The following MAP2K5 variants were observed in gnomAD, a reference collection of about 807,000 sequenced individuals.
MAP2K5 encodes the protein dual specificity mitogen-activated protein kinase kinase 5.
Under a neutral mutation model 83.1 loss-of-function variants are expected in MAP2K5, and 49 were observed. That is an observed-to-expected ratio of 0.59 (90% confidence interval 0.47 to 0.75). MAP2K5 has a LOEUF of 0.75. MAP2K5 is among the 30% of genes least tolerant of loss of function. The pLI, the probability that MAP2K5 is intolerant of heterozygous loss-of-function variation, is 0.00. For synonymous variants in MAP2K5, 202 were observed against 191.8 expected (o/e 1.05, Z -0.44); for missense variants, 457 against 557.5 (o/e 0.82, Z 1.82).
intron 13 of MAP2K5, among the ~76,000 whole-genome samples, chr15:67,691,658 G>T (rs530224974): frequency 6.6e-6 from 1 of 152,282 alleles, no homozygotes; most frequent in Admixed American, 6.5e-5. Context: ...ATCAAAAGTG[G>T]TATGCTCTTG....
At chr15:67,766,161 A>G (rs987737455) in intron 19 of MAP2K5, among the ~76,000 whole-genome samples, 2 of 152,224 alleles carry the variant, frequency 1.3e-5, no homozygotes, top group East Asian at 3.9e-4. Context: ...CTGTTTTTAC[A>G]TAACAGTTGC....
At chr15:67,596,913 T>G (rs1279365367) in intron 7 of MAP2K5, among the ~76,000 whole-genome samples, 2 of 152,216 alleles carry the variant, frequency 1.3e-5, no homozygotes, top group African/African-American at 4.8e-5. Flanking sequence ...GGCTCACGCC[T>G]GTAATCCCAG....
rs1296351279 is a variant in MAP2K5 at position 67,587,418 on chromosome 15, CTG to C, written c.431+509_431+510del. 6.6e-6 allele frequency among the ~76,000 whole-genome samples: 1 copy of C among 152,160 alleles called. No homozygotes were observed. The highest frequency in any genetic ancestry group is 6.5e-5 in the Admixed American group (1 of 15,278). ...TAGTAGGAGAGGGACATGGCCAGCC[CTG>C]TGTTTTTAAAAGATCCTCTGCCTGT... On this transcript the variant is annotated intron_variant, in intron 6 of 21. Coordinates refer to ENST00000178640, the MANE Select transcript of MAP2K5 (RefSeq NM_145160.3). This position sits in a 1 kb window ranked among gnomAD's most constrained non-coding sequence, Gnocchi z 4.8.
At chr15:67,569,450 T>C (rs1300418559) in intron 3 of MAP2K5, among the ~76,000 whole-genome samples, 1 of 152,252 alleles carries the variant, frequency 6.6e-6, no homozygotes, top group Non-Finnish European at 1.5e-5. Context: ...AATAATGACA[T>C]GCTGCAAGCT....
At position 67,562,395 on chromosome 15, in the gene MAP2K5, C is replaced by T. The variant is rs1260041528; in HGVS notation, c.185-888C>T. Among the ~76,000 whole-genome samples the T allele has an allele frequency of 6.6e-6, 1 of 152,170 alleles. No homozygotes were observed. Among genetic ancestry groups the T allele is most frequent in the South Asian group, 2.1e-4 (1 of 4,832 alleles). ...TTAATATTCTCACATAGTCTATCTTCAGGTTTTTAAAGCAGTTTTGAAGAG... is the reference window on the plus strand; with the variant it reads ...TTAATATTCTCACATAGTCTATCTTTAGGTTTTTAAAGCAGTTTTGAAGAG... On this transcript the variant is annotated intron_variant, in intron 2 of 21. Coordinates refer to ENST00000178640, the MANE Select transcript of MAP2K5 (RefSeq NM_145160.3). The surrounding 1 kb of genome is among the most constrained non-coding windows in gnomAD (Gnocchi z 4.1).
chr15:67,757,046 T>A lies in MAP2K5; in HGVS notation c.1134+8445T>A, dbSNP rs1372457772. 6.6e-6 allele frequency among the ~76,000 whole-genome samples: 1 copy of A among 152,204 alleles called. No homozygotes were observed. The highest frequency in any genetic ancestry group is 2.4e-5 in the African/African-American group (1 of 41,442). ...CTTCAGGATAGTGATTTATTTCCTT[T>A]AGATATACACCGAGAAGTTGGATTA... On this transcript the variant is annotated intron_variant, in intron 19 of 21. Coordinates refer to ENST00000178640, the MANE Select transcript of MAP2K5 (RefSeq NM_145160.3). The surrounding 1 kb of genome is among the most constrained non-coding windows in gnomAD (Gnocchi z 4.9).
Position 67,587,065 on chromosome 15 carries a change from T to G in MAP2K5, c.431+152T>G, listed in dbSNP as rs2085306363. The G allele has an allele frequency of 1.3e-5, 10 of 761,008 alleles. No individual in the cohort carries two copies. In the South Asian group the frequency reaches 1.4e-4, roughly 11 times the overall value. 47.1% of individuals were successfully genotyped at this position (761,008 alleles called of 1,614,324 possible). A position where few individuals can be genotyped will look rare whatever the true frequency, so the allele number is the denominator to read the frequency against. Reference sequence around the variant, plus strand: ...GGACCTCATATGGAAAGATGAATGTTTAGATTTAGACTGGGTGCTGAGAAG... The same window carrying G: ...GGACCTCATATGGAAAGATGAATGTGTAGATTTAGACTGGGTGCTGAGAAG... On this transcript the variant is annotated intron_variant, in intron 6 of 21. Coordinates refer to ENST00000178640, the MANE Select transcript of MAP2K5 (RefSeq NM_145160.3). The surrounding 1 kb of genome is among the most constrained non-coding windows in gnomAD (Gnocchi z 4.8).
intron 8 of MAP2K5, among the ~76,000 whole-genome samples, chr15:67,625,055 T>A (rs1003699232): frequency 6.6e-6 from 1 of 152,224 alleles, no homozygotes; most frequent in Admixed American, 6.5e-5. Flanking sequence ...GTGCTTCTGC[T>A]GTGAAAGAAG....
intron 8 of MAP2K5, among the ~76,000 whole-genome samples, chr15:67,616,716 A>ACTC (rs777946607): frequency 2.0e-5 from 3 of 152,166 alleles, no homozygotes; most frequent in Non-Finnish European, 4.4e-5. Context: ...TAGGGAGCAA[A>ACTC]ATAACCATCA....
chr15:67,634,400 A>AT (rs2086551328), intron 9 of MAP2K5, among the ~76,000 whole-genome samples: 1 of 132,712 alleles, frequency 7.5e-6, no homozygotes, highest in Non-Finnish European at 1.6e-5. Context: ...AAAAAAAAAA[A>AT]AAAAAAAAAG....
intron 6 of MAP2K5, among the ~76,000 whole-genome samples, chr15:67,590,076 A>G (rs1317251146): frequency 1.3e-5 from 2 of 152,068 alleles, no homozygotes; most frequent in African/African-American, 4.8e-5. Context: ...TATTCTACAA[A>G]ATTGTTAATT....
At chr15:67,569,868 C>T (rs2084916221) in intron 3 of MAP2K5, among the ~76,000 whole-genome samples, 1 of 152,220 alleles carries the variant, frequency 6.6e-6, no homozygotes, top group African/African-American at 2.4e-5. Flanking sequence ...CTATTTATAA[C>T]AAAATGTCTC....
At chr15:67,585,120 T>A (rs1433318774) in intron 4 of MAP2K5, among the ~76,000 whole-genome samples, 7 of 138,382 alleles carry the variant, frequency 5.1e-5, no homozygotes, top group Non-Finnish European at 8.0e-5. Flanking sequence ...CCCCAAACAA[T>A]CAATCAAAAT....
chr15:67,650,846 A>G (rs1291582490), intron 11 of MAP2K5, among the ~76,000 whole-genome samples: 1 of 152,188 alleles, frequency 6.6e-6, no homozygotes, highest in Admixed American at 6.5e-5. Flanking sequence ...GCCTTATAGA[A>G]TGAGTTTGGA....
intron 15 of MAP2K5, among the ~76,000 whole-genome samples, chr15:67,695,219 C>T (rs2088220870): frequency 6.6e-6 from 1 of 151,730 alleles, no homozygotes; most frequent in Non-Finnish European, 1.5e-5. Flanking sequence ...TGCAACTAAC[C>T]TGTACATTGT....
chr15:67,582,633 A>AAC (rs1472728139), intron 4 of MAP2K5, among the ~76,000 whole-genome samples: 1 of 152,054 alleles, frequency 6.6e-6, no homozygotes, highest in East Asian at 1.9e-4. Flanking sequence ...CAGCTTGGGC[A>AAC]ACATGTCAAA....
At chr15:67,610,903 AAG>A (rs1032510609) in intron 8 of MAP2K5, among the ~76,000 whole-genome samples, 6 of 152,242 alleles carry the variant, frequency 3.9e-5, no homozygotes, top group African/African-American at 1.4e-4. Flanking sequence ...GGCAAAAAGA[AAG>A]AGAGAGTACA....
At position 67,638,436 on chromosome 15, in the gene MAP2K5, T is replaced by C. The variant is rs2086649142; in HGVS notation, c.585+7509T>C. 6.6e-6 allele frequency among the ~76,000 whole-genome samples: 1 copy of C among 152,224 alleles called. No homozygotes were observed. The highest frequency in any genetic ancestry group is 6.5e-5 in the Admixed American group (1 of 15,292). On this transcript the variant is annotated intron_variant, in intron 9 of 21. Transcript: ENST00000178640. The surrounding 1 kb of genome is among the most constrained non-coding windows in gnomAD (Gnocchi z 4.5). ...TTTATGACTGCATAGTATTCCATGG[T>C]GTGTATGTACCACATTTTCTTTATC... is the stretch of plus-strand genomic sequence containing the variant.
intron 21 of MAP2K5, among the ~76,000 whole-genome samples, chr15:67,797,963 A>G (rs771178695): frequency 2.6e-5 from 4 of 152,132 alleles, no homozygotes; most frequent in African/African-American, 4.8e-5. Context: ...GATTACAGGC[A>G]TGAGCCACCA....
Sources: allele counts gnomAD v4.1 joint callset (sites outside exome capture counted in the v4.1 genomes callset), GRCh38; gene constraint gnomAD v4.1.1; non-coding constraint Gnocchi (gnomAD v3.1); transcripts MANE v1.5; gene names NCBI Gene and HGNC (gene_info 2026-07-23, HGNC 2026-07-21).